Variants in RALGAPA2 observed in about 807,000 individuals in gnomAD.
RALGAPA2 encodes Ral GTPase activating protein catalytic subunit alpha 2.
Under a neutral mutation model 230.4 loss-of-function variants are expected in RALGAPA2, and 139 were observed. The observed-to-expected ratio is 0.60, with a 90% CI of 0.53 to 0.69. RALGAPA2 has a LOEUF of 0.69. RALGAPA2 is among the 30% of genes least tolerant of loss of function. RALGAPA2 has a pLI of 0.00. For missense variants in RALGAPA2, 2,163 were observed against 2,276.0 expected, an observed-to-expected ratio of 0.95 and a Z score of 1.01; for synonymous variants, 847 against 837.8, an observed-to-expected ratio of 1.01 and a Z score of -0.19.
At position 20,443,562 on chromosome 20, in the gene RALGAPA2, C is replaced by G. The variant is rs147362937; in HGVS notation, c.5495+29267G>C. ...CTTTTATAGTTGCAGCCACCTCAATCTTCCAGCATCCCTAACTTCTTTCTG... is the reference window on the plus strand; with the variant it reads ...CTTTTATAGTTGCAGCCACCTCAATGTTCCAGCATCCCTAACTTCTTTCTG... On this transcript the variant is annotated intron_variant, in intron 37 of 39. Coordinates refer to ENST00000202677, the MANE Select transcript of RALGAPA2 (RefSeq NM_020343.4). 1.1e-3 allele frequency among the ~76,000 whole-genome samples: 171 copies of G among 152,338 alleles called. 1 individual carries two copies. Among genetic ancestry groups the G allele is most frequent in the African/African-American group, 3.8e-3 (160 of 41,576 alleles).
intron 26 of RALGAPA2, among the ~76,000 whole-genome samples, 195 bp downstream of exon 26, chr20:20,535,550 T>C (rs2063474643): frequency 6.6e-6 from 1 of 152,252 alleles, no homozygotes; most frequent in Non-Finnish European, 1.5e-5. Flanking sequence ...TTCTGCACTT[T>C]ACAATTTTTA....
chr20:20,673,327 A>C (rs967828447), intron 3 of RALGAPA2, among the ~76,000 whole-genome samples: 4 of 152,066 alleles, frequency 2.6e-5, no homozygotes, highest in Non-Finnish European at 5.9e-5. Context: ...ACTAGAAGAT[A>C]GTAAAAATGT....
At chr20:20,601,897 T>A in intron 15 of RALGAPA2, 51 bp from the exon 16 acceptor site, 1 of 1,472,516 alleles carries the variant, frequency 6.8e-7, no homozygotes, top group Non-Finnish European at 9.1e-7. Context: ...TTATTATTCA[T>A]TTCACGCTTG....
chr20:20,511,379 C>A, intron 32 of RALGAPA2, 54 bp from the exon 33 acceptor site: 1 of 1,513,954 alleles, frequency 6.6e-7, no homozygotes, highest in African/African-American at 1.4e-5. Flanking sequence ...ACCATTTTGC[C>A]GCTTTTCAAT....
intron 37 of RALGAPA2, chr20:20,471,890 T>A (rs976826063): frequency 6.6e-6 from 1 of 152,222 alleles, no homozygotes; most frequent in Admixed American, 6.5e-5. Context: ...ATGAACCGTA[T>A]CTATTCACAT....
At chr20:20,682,568 T>A (rs767116757) in intron 1 of RALGAPA2, among the ~76,000 whole-genome samples, 2 of 152,136 alleles carry the variant, frequency 1.3e-5, no homozygotes, top group African/African-American at 2.4e-5. Context: ...CACTCTATGC[T>A]TCCCTGTCAC....
chr20:20,510,918 C>T (rs138655746), intron 33 of RALGAPA2, among the ~76,000 whole-genome samples: 243 of 152,280 alleles, frequency 1.6e-3, no homozygotes, highest in African/African-American at 5.5e-3. Flanking sequence ...TGAGCAACCA[C>T]GGGCTGTTAA....
At chr20:20,621,650 C>CT (rs1421183907) in intron 10 of RALGAPA2, among the ~76,000 whole-genome samples, 1 of 152,136 alleles carries the variant, frequency 6.6e-6, no homozygotes, top group Non-Finnish European at 1.5e-5. Context: ...TTTATAAGAA[C>CT]TTTTTAACAT....
chr20:20,696,585 C>T (rs1254644199), intron 1 of RALGAPA2, among the ~76,000 whole-genome samples: 1 of 151,954 alleles, frequency 6.6e-6, no homozygotes, highest in African/African-American at 2.4e-5. Context: ...CATCTTATCC[C>T]TATTTCCCCT....
Position 20,616,089 on chromosome 20 carries a change from T to C in RALGAPA2, c.1642A>G (p.Ile548Val), listed in dbSNP as rs769631401. 1 of 1,554,368 alleles carries C rather than the reference T, an allele frequency of 6.4e-7. No homozygotes were observed. Among genetic ancestry groups the C allele is most frequent in the South Asian group, 1.2e-5 (1 of 82,766 alleles). Reference sequence around the variant, plus strand: ...AGCTCCATTATCATGCGCCTAAAAATAATCAAAACAGCTTTACAAGCATCA... The same window carrying C: ...AGCTCCATTATCATGCGCCTAAAAACAATCAAAACAGCTTTACAAGCATCA... ...QVDACKAVLI[I>V]FRRMIMELTM... The change falls in exon 13 of 40, where the codon ATT becomes GTT. Residue 548 changes from isoleucine to valine, a missense_variant. Physicochemically the swap from Ile to Val is conservative, Grantham distance 29. Coordinates refer to ENST00000202677, the MANE Select transcript of RALGAPA2 (RefSeq NM_020343.4).
chr20:20,642,139 GAGAGA>G (rs1218055262), intron 5 of RALGAPA2, among the ~76,000 whole-genome samples: 99 of 24,660 alleles, frequency 4.0e-3, no homozygotes, highest in African/African-American at 4.5e-3. Context: ...GAGGGGAGGG[GAGAGA>G]AGGGGAGGGG....
chr20:20,593,067 A>T (rs752622888), intron 16 of RALGAPA2, among the ~76,000 whole-genome samples: 2 of 152,060 alleles, frequency 1.3e-5, no homozygotes, highest in Non-Finnish European at 2.9e-5. Flanking sequence ...TCTGGTGCAC[A>T]CCACTATACC....
intron 36 of RALGAPA2, among the ~76,000 whole-genome samples, 166 bp downstream of exon 36, chr20:20,494,951 A>G (rs1287181851): frequency 6.6e-6 from 1 of 152,234 alleles, no homozygotes; most frequent in Non-Finnish European, 1.5e-5. Context: ...TGAAAATCCC[A>G]ATTCATATTT....
At chr20:20,458,745 TATAC>T (rs1428904025) in intron 37 of RALGAPA2, among the ~76,000 whole-genome samples, 3 of 123,634 alleles carry the variant, frequency 2.4e-5, no homozygotes, top group Non-Finnish European at 5.1e-5. Flanking sequence ...CCTATATATA[TATAC>T]ATACACACCT....
intron 37 of RALGAPA2, among the ~76,000 whole-genome samples, chr20:20,421,800 A>C (rs772653384): frequency 6.6e-6 from 1 of 152,246 alleles, no homozygotes; most frequent in African/African-American, 2.4e-5. Context: ...AAGAGAACTG[A>C]AAATATATGT....
At chr20:20,669,030 T>C (rs897993084) in intron 3 of RALGAPA2, among the ~76,000 whole-genome samples, 2 of 152,168 alleles carry the variant, frequency 1.3e-5, no homozygotes, top group African/African-American at 4.8e-5. Context: ...AGTGGGGTAA[T>C]TTAAATAAAA....
At chr20:20,607,633 G>A (rs1278932169) in intron 14 of RALGAPA2, among the ~76,000 whole-genome samples, 2 of 152,112 alleles carry the variant, frequency 1.3e-5, no homozygotes, top group Non-Finnish European at 2.9e-5. Context: ...AGCCAAGTAA[G>A]AGAAGAAAGT....
chr20:20,664,211 G>A (rs1359726216), intron 3 of RALGAPA2, among the ~76,000 whole-genome samples: 1 of 152,188 alleles, frequency 6.6e-6, no homozygotes, highest in Non-Finnish European at 1.5e-5. Context: ...AGATAAGGGG[G>A]ACTACCGTAT....
At chr20:20,407,391 T>C (rs141163698) in intron 38 of RALGAPA2, among the ~76,000 whole-genome samples, 1 of 152,246 alleles carries the variant, frequency 6.6e-6, no homozygotes, top group Non-Finnish European at 1.5e-5. Context: ...GATTTACTTG[T>C]GCTGTTTCTG....
Sources: gnomAD v4.1 joint callset for allele counts (sites outside exome capture counted in the v4.1 genomes callset) on GRCh38, gnomAD v4.1.1 for gene constraint, MANE v1.5 for transcripts, NCBI Gene and HGNC (gene_info 2026-07-23, HGNC 2026-07-21) for gene names.